The following RGS7 variants were observed in gnomAD, a reference collection of about 807,000 sequenced individuals.
RGS7 encodes regulator of G protein signaling 7, also known as regulator of G-protein signaling 7.
RGS7 carries 27 observed loss-of-function variants against 81.1 expected under a neutral mutation model. That is an observed-to-expected ratio of 0.33 (90% CI 0.25 to 0.46). The LOEUF is 0.46. RGS7 is among the 20% of genes least tolerant of loss of function. RGS7 has a pLI of 1.00. For synonymous variants in RGS7, 208 were observed against 207.7 expected (o/e 1.00, Z -0.01); for missense variants, 396 against 607.4 (o/e 0.65, Z 3.66).
At chr1:241,078,705 C>A (rs1336311189) in intron 3 of RGS7, among the ~76,000 whole-genome samples, 1 of 151,942 alleles carries the variant, frequency 6.6e-6, no homozygotes, top group Non-Finnish European at 1.5e-5. Context: ...CTTATAAGAC[C>A]ATAAATATAT....
intron 4 of RGS7, among the ~76,000 whole-genome samples, chr1:240,969,269 C>T (rs539858267): frequency 3.3e-5 from 5 of 152,208 alleles, no homozygotes; most frequent in African/African-American, 1.2e-4. Flanking sequence ...ATAAAAGGAA[C>T]ACATATATGC....
chr1:241,159,854 C>G (rs186605128), intron 2 of RGS7, among the ~76,000 whole-genome samples: 122 of 151,780 alleles, frequency 8.0e-4, no homozygotes, highest in African/African-American at 2.8e-3. Context: ...TGAGTCACCA[C>G]TAGGAAAGTT....
intron 18 of RGS7, among the ~76,000 whole-genome samples, chr1:240,790,441 AC>A (rs1225671298): frequency 6.6e-6 from 1 of 152,156 alleles, no homozygotes; most frequent in African/African-American, 2.4e-5. Context: ...GATTACAGGC[AC>A]AAGCCACTGT....
intron 3 of RGS7, among the ~76,000 whole-genome samples, chr1:241,034,282 A>G (rs908620077): frequency 5.3e-5 from 8 of 152,212 alleles, no homozygotes; most frequent in Admixed American, 3.3e-4. Context: ...CCCCATTCAT[A>G]CGCTTATATT....
At chr1:240,833,462 C>A (rs891538250) in intron 9 of RGS7, among the ~76,000 whole-genome samples, 13 of 152,158 alleles carry the variant, frequency 8.5e-5, no homozygotes. Flanking sequence ...TTTAGATGGT[C>A]CCTGACTTAC....
At chr1:240,889,156 C>T (rs1167686635) in intron 6 of RGS7, among the ~76,000 whole-genome samples, 12 of 152,200 alleles carry the variant, frequency 7.9e-5, no homozygotes, top group Non-Finnish European at 1.6e-4. Flanking sequence ...GGGGTTTCAC[C>T]ACGTCGGCCA....
intron 6 of RGS7, among the ~76,000 whole-genome samples, chr1:240,914,200 G>A (rs79393289): frequency 0.019 from 2,876 of 152,080 alleles, 101 homozygotes; most frequent in African/African-American, 0.067. Context: ...ATAGCTTTGA[G>A]AACAAACATT....
intron 2 of RGS7, among the ~76,000 whole-genome samples, chr1:241,312,786 A>T (rs2080625886): frequency 6.6e-6 from 1 of 152,224 alleles, no homozygotes. Flanking sequence ...CTCACTTGGA[A>T]TCAAAAGCCA....
chr1:241,349,834 C>T (rs1573795662), intron 2 of RGS7, among the ~76,000 whole-genome samples: 1 of 152,320 alleles, frequency 6.6e-6, no homozygotes, highest in East Asian at 1.9e-4. Context: ...ACATTAAAGT[C>T]ACTAAACTGT....
At chr1:241,303,074 G>C (rs991296123) in intron 2 of RGS7, among the ~76,000 whole-genome samples, 1 of 152,030 alleles carries the variant, frequency 6.6e-6, no homozygotes, top group Non-Finnish European at 1.5e-5. Context: ...ACTAACAGCA[G>C]GGCTTTTATT....
intron 2 of RGS7, among the ~76,000 whole-genome samples, chr1:241,213,758 T>C (rs1194592295): frequency 6.6e-6 from 1 of 152,220 alleles, no homozygotes; most frequent in African/African-American, 2.4e-5. Flanking sequence ...ATTCAGTTAA[T>C]TTTAAATAAT....
At chr1:240,950,426 T>C (rs1278597442) in intron 4 of RGS7, among the ~76,000 whole-genome samples, 1 of 152,210 alleles carries the variant, frequency 6.6e-6, no homozygotes, top group African/African-American at 2.4e-5. Flanking sequence ...CAGTCCCCTC[T>C]AGACTTTGTC....
At chr1:240,911,112 C>T (rs1299726584) in intron 6 of RGS7, among the ~76,000 whole-genome samples, 1 of 151,960 alleles carries the variant, frequency 6.6e-6, no homozygotes, top group African/African-American at 2.4e-5. Flanking sequence ...CTCTCTCAAT[C>T]TCTCTCCTTT....
chr1:241,306,801 C>T (rs917652473), intron 2 of RGS7, among the ~76,000 whole-genome samples: 1 of 151,902 alleles, frequency 6.6e-6, no homozygotes, highest in Non-Finnish European at 1.5e-5. Context: ...ATGAACACAC[C>T]CTCCTGTGTG....
At chr1:241,153,215 G>A (rs1442780661) in intron 2 of RGS7, among the ~76,000 whole-genome samples, 1 of 152,210 alleles carries the variant, frequency 6.6e-6, no homozygotes, top group Admixed American at 6.5e-5. Context: ...GATGACTGAG[G>A]GTGGGAGCAT....
chr1:241,099,284 C>A (rs1237755204), intron 2 of RGS7, among the ~76,000 whole-genome samples: 2 of 152,154 alleles, frequency 1.3e-5, no homozygotes, highest in African/African-American at 4.8e-5. Flanking sequence ...TGCCCGGGTA[C>A]TTACTGAAGT....
intron 2 of RGS7, among the ~76,000 whole-genome samples, chr1:241,247,610 A>G (rs1049710467): frequency 5.3e-5 from 8 of 152,148 alleles, no homozygotes; most frequent in African/African-American, 1.9e-4. Flanking sequence ...ATGCAATGCA[A>G]TCATACAGGT....
At chr1:241,089,057 CTCTCTCTATATATATATA>C (rs2063685609) in intron 3 of RGS7, among the ~76,000 whole-genome samples, 3 of 48,610 alleles carry the variant, frequency 6.2e-5, no homozygotes, top group South Asian at 1.3e-3. Flanking sequence ...CTCTCTCTCT[CTCTCTCTATATATATATA>C]TATATATATA....
intron 2 of RGS7, among the ~76,000 whole-genome samples, chr1:241,231,058 C>G (rs2075637657): frequency 6.6e-6 from 1 of 152,156 alleles, no homozygotes; most frequent in East Asian, 1.9e-4. Context: ...TCCCTAAGTT[C>G]TCCACCCTTT....
Sources: gnomAD v4.1 joint callset for allele counts (sites outside exome capture counted in the v4.1 genomes callset) on GRCh38, gnomAD v4.1.1 for gene constraint, MANE v1.5 for transcripts, NCBI Gene and HGNC (gene_info 2026-07-23, HGNC 2026-07-21) for gene names.